Variants in CNTFR observed in about 807,000 individuals in gnomAD.
The protein encoded by CNTFR is ciliary neurotrophic factor receptor.
A neutral mutation model predicts 40.4 loss-of-function variants in CNTFR; 12 were observed. That is an observed-to-expected ratio of 0.30 (90% confidence interval 0.19 to 0.48). The LOEUF is 0.48. CNTFR is among the 20% of genes least tolerant of loss of function. The pLI is 0.99. For missense variants in CNTFR, 414 were observed against 506.8 expected (o/e 0.82, Z 1.76); for synonymous variants, 202 against 209.6 (o/e 0.96, Z 0.31).
At chr9:34,560,418 T>C (rs534009815) in intron 4 of CNTFR, among the ~76,000 whole-genome samples, 1 of 152,308 alleles carries the variant, frequency 6.6e-6, no homozygotes, top group African/African-American at 2.4e-5. Flanking sequence ...GGCTGTTCAA[T>C]CTCGAGACTG....
chr9:34,588,253 GC>G (rs1389793120), intron 1 of CNTFR, among the ~76,000 whole-genome samples: 1 of 152,124 alleles, frequency 6.6e-6, no homozygotes, highest in Non-Finnish European at 1.5e-5. Flanking sequence ...GGCCCTTCTA[GC>G]CCCCAAGTCA....
intron 2 of CNTFR, among the ~76,000 whole-genome samples, chr9:34,572,042 T>C (rs1826686666): frequency 6.6e-6 from 1 of 151,894 alleles, no homozygotes; most frequent in Admixed American, 6.6e-5. Flanking sequence ...CAATGGAGGA[T>C]GGGATGGTGG....
chr9:34,589,925 C>T (rs1420086082), upstream of CNTFR, among the ~76,000 whole-genome samples: 1 of 151,498 alleles, frequency 6.6e-6, no homozygotes, highest in Non-Finnish European at 1.5e-5. This position sits in a 1 kb window ranked among gnomAD's most constrained non-coding sequence, Gnocchi z 4.4. Flanking sequence ...GCCCCGCGCG[C>T]CCCCGCCTTG....
intron 4 of CNTFR, among the ~76,000 whole-genome samples, chr9:34,560,813 G>A (rs1368446781): frequency 3.9e-5 from 6 of 152,224 alleles, no homozygotes; most frequent in African/African-American, 7.2e-5. Context: ...CTGTGTGCGC[G>A]TGTGTATGTG....
Position 34,557,458 on chromosome 9 carries a change from C to A in CNTFR, c.604+68G>T, listed in dbSNP as rs764105643. 1.3e-6 allele frequency: 2 copies of A among 1,559,518 alleles called. No homozygotes were observed. Among genetic ancestry groups the A allele is most frequent in the African/African-American group, 1.3e-5 (1 of 74,106 alleles). On this transcript the variant is annotated intron_variant, in intron 6 of 9. Coordinates refer to ENST00000378980, the MANE Select transcript of CNTFR (RefSeq NM_147164.3). This position sits in a 1 kb window ranked among gnomAD's most constrained non-coding sequence, Gnocchi z 4.2. ...ATGTGCATGCATGTGGACATCCCCA[C>A]CAATGGCACACATCCACTTACATTC...
At chr9:34,554,261 C>A (rs554231439) in intron 7 of CNTFR, among the ~76,000 whole-genome samples, 1 of 152,170 alleles carries the variant, frequency 6.6e-6, no homozygotes, top group Non-Finnish European at 1.5e-5. Context: ...ACGGCTCCTT[C>A]GGCTCTGTCT....
intron 4 of CNTFR, among the ~76,000 whole-genome samples, chr9:34,562,319 G>A (rs1826108082): frequency 1.3e-5 from 2 of 152,292 alleles, no homozygotes; most frequent in South Asian, 4.1e-4. Flanking sequence ...CTGTTAGGCT[G>A]GTCCTGCATT....
At chr9:34,577,610 T>C (rs1827043470) in intron 2 of CNTFR, among the ~76,000 whole-genome samples, 1 of 152,068 alleles carries the variant, frequency 6.6e-6, no homozygotes, top group Non-Finnish European at 1.5e-5. Context: ...ATCCCCTCTG[T>C]CTAGATGTCA....
At position 34,564,731 on chromosome 9, in the gene CNTFR, C is replaced by T. The variant is rs749044815; in HGVS notation, c.187G>A (p.Asp63Asn). 1.2e-6 allele frequency: 2 copies of T among 1,614,122 alleles called. No homozygotes were observed. Among genetic ancestry groups the T allele is most frequent in the Non-Finnish European group, 1.7e-6 (2 of 1,180,006 alleles). Reference protein sequence around the residue: ...AAVTWRVNGTDLAPDLLNGSQ... With the variant: ...AAVTWRVNGTNLAPDLLNGSQ... The stretch of plus-strand genomic sequence containing the variant: ...CCGTTGAGCAGGTCAGGGGCCAGGT[C>T]TGTCCCATTTACCCGCCACGTCACC... Residue 63 changes from aspartate (D) to asparagine (N), a missense_variant, in exon 4 of 10, where the codon GAC (aspartate) becomes AAC (asparagine). Physicochemically the swap from Asp to Asn is conservative, Grantham distance 23. Around this residue, in one of 3 missense-constraint regions of CNTFR, gnomAD observed 250 missense variants for 269.5 expected, o/e 0.93. Transcript: ENST00000378980.
intron 2 of CNTFR, among the ~76,000 whole-genome samples, chr9:34,574,632 T>C (rs1308203499): frequency 2.0e-5 from 3 of 152,166 alleles, no homozygotes; most frequent in Admixed American, 1.3e-4. Context: ...TGGCTGAGGC[T>C]GTGGAAAAGG....
chr9:34,585,136 A>T (rs1276311639), intron 1 of CNTFR, among the ~76,000 whole-genome samples: 2 of 152,178 alleles, frequency 1.3e-5, no homozygotes, highest in East Asian at 1.9e-4. Context: ...ACAGAAAAAG[A>T]TGTATTACTG....
chr9:34,586,434 A>G (rs1827548736), intron 1 of CNTFR, among the ~76,000 whole-genome samples: 1 of 152,040 alleles, frequency 6.6e-6, no homozygotes, highest in South Asian at 2.1e-4. Context: ...CTCTCCTACA[A>G]TCACAGATTC....
rs189557988 is a variant in CNTFR at position 34,576,238 on chromosome 9, C to T, written c.-1+4857G>A. Among the ~76,000 whole-genome samples the T allele has an allele frequency of 5.3e-5, 8 of 152,340 alleles. No homozygotes were observed. The East Asian group carries it at 1.5e-3, about 29-fold the overall frequency. Reference sequence around the variant, plus strand: ...TCAGGGCCTCCCACATGGACACCCACTCCCACAGCCCCGTACACGCTGGTG... The same window carrying T: ...TCAGGGCCTCCCACATGGACACCCATTCCCACAGCCCCGTACACGCTGGTG... On this transcript the variant is annotated intron_variant, in intron 2 of 9. Coordinates refer to ENST00000378980, the MANE Select transcript of CNTFR (RefSeq NM_147164.3).
Position 34,554,335 on chromosome 9 carries a change from G to A in CNTFR, c.769-1481C>T, listed in dbSNP as rs539824309. On this transcript the variant is annotated intron_variant, in intron 7 of 9. Transcript: ENST00000378980. ...TCTCTCCCCACAGGGAGGGAGCCAC[G>A]GGGAACAGATCAAATTGCCACCTCA... is the stretch of plus-strand genomic sequence containing the variant. Among the ~76,000 whole-genome samples the A allele has an allele frequency of 9.9e-5, 15 of 152,282 alleles. 1 individual carries two copies. The South Asian group carries it at 2.9e-3, about 29-fold the overall frequency.
At chr9:34,575,442 T>C (rs2132222125) in intron 2 of CNTFR, among the ~76,000 whole-genome samples, 1 of 148,144 alleles carries the variant, frequency 6.8e-6, no homozygotes, top group Non-Finnish European at 1.5e-5. Flanking sequence ...GGGGGTGGGG[T>C]AAGGAAAGGC....
rs138412907 is a variant in CNTFR at position 34,561,885 on chromosome 9, A to C, written c.319+2714T>G. Among the ~76,000 whole-genome samples, 41 of 152,350 alleles carry C rather than the reference A, an allele frequency of 2.7e-4. No individual in the cohort carries two copies. The East Asian group carries it at 7.3e-3, about 27-fold the overall frequency. On this transcript the variant is annotated intron_variant, in intron 4 of 9. Coordinates refer to ENST00000378980, the MANE Select transcript of CNTFR (RefSeq NM_147164.3). Reference sequence around the variant, plus strand: ...TAATGCAATGAGAGATAAGTACCTGAAACTAATGCTACAGCCAACTCATGG... The same window carrying C: ...TAATGCAATGAGAGATAAGTACCTGCAACTAATGCTACAGCCAACTCATGG...
chr9:34,570,437 G>A (rs1376711759), intron 2 of CNTFR, among the ~76,000 whole-genome samples: 1 of 152,226 alleles, frequency 6.6e-6, no homozygotes, highest in Non-Finnish European at 1.5e-5. Context: ...CAGTGAAGCC[G>A]TCGGCGACAA....
In CNTFR at chr9:34,557,649, T is replaced by G; in HGVS notation, c.481A>C (p.Lys161Gln). Residue 161 changes from lysine to glutamine, a missense_variant, in exon 6 of 10, where the codon AAG (lysine) becomes CAG (glutamine). By Grantham distance (53) the Lys-to-Gln change is moderately conservative (BLOSUM62 1). Coordinates refer to ENST00000378980, the MANE Select transcript of CNTFR (RefSeq NM_147164.3). The surrounding 1 kb of genome is among the most constrained non-coding windows in gnomAD (Gnocchi z 4.2). ...IMVCEKDPALKNRCHIRYMHL... is the reference protein window; with the variant it reads ...IMVCEKDPALQNRCHIRYMHL... The stretch of plus-strand genomic sequence containing the variant: ...ATGTAGCGAATGTGGCAGCGGTTCT[T>G]GAGGGCTGGGTCCTTCTCACAGACC... 6.2e-7 allele frequency: 1 copy of G among 1,614,194 alleles called. No homozygotes were observed. Among genetic ancestry groups the G allele is most frequent in the Non-Finnish European group, 8.5e-7 (1 of 1,180,032 alleles).
At chr9:34,582,783 TGA>T (rs1439975271) in intron 1 of CNTFR, 1 of 150,974 alleles carries the variant, frequency 6.6e-6, no homozygotes, top group African/African-American at 2.4e-5. Context: ...GGCCAAAGAA[TGA>T]GAGAGATAGC....
Sources: allele counts gnomAD v4.1 joint callset (sites outside exome capture counted in the v4.1 genomes callset), GRCh38; gene constraint gnomAD v4.1.1; regional missense constraint gnomAD v4.1.1; non-coding constraint Gnocchi (gnomAD v3.1); transcripts MANE v1.5; gene names NCBI Gene and HGNC (gene_info 2026-07-23, HGNC 2026-07-21).